The following ITPR2 variants were observed in gnomAD, a reference collection of about 807,000 sequenced individuals.
ITPR2 encodes the protein inositol 1,4,5-trisphosphate receptor type 2.
ITPR2 carries 207 observed loss-of-function variants against 317.1 expected under a neutral mutation model. The ratio of observed to expected loss-of-function variants is 0.65; its 90% confidence interval spans 0.58 to 0.73. ITPR2 has a LOEUF of 0.73. ITPR2 is among the 30% of genes least tolerant of loss of function. The probability of loss-of-function intolerance (pLI) is 0.00; values close to 1 mark genes in which losing one functional copy is unlikely to be tolerated. For missense variants in ITPR2, 2,613 were observed against 3,284.0 expected (o/e 0.80, Z 4.99); for synonymous variants, 1,156 against 1,149.1 (o/e 1.01, Z -0.12).
intron 37 of ITPR2, among the ~76,000 whole-genome samples, chr12:26,514,874 T>G (rs1202014376): frequency 6.6e-6 from 1 of 152,234 alleles, no homozygotes; most frequent in East Asian, 1.9e-4. Context: ...CTATGACTAA[T>G]TATCCAGGCA....
chr12:26,417,183 A>G (rs1441287150), intron 50 of ITPR2, among the ~76,000 whole-genome samples: 1 of 152,174 alleles, frequency 6.6e-6, no homozygotes, highest in Non-Finnish European at 1.5e-5. Flanking sequence ...CATGTATACC[A>G]CAATTTTCTT....
chr12:26,731,063 G>T (rs748731862), intron 2 of ITPR2, among the ~76,000 whole-genome samples: 2 of 152,098 alleles, frequency 1.3e-5, no homozygotes, highest in Non-Finnish European at 2.9e-5. Flanking sequence ...CTCTATTTAG[G>T]GCTATCATAT....
intron 45 of ITPR2, among the ~76,000 whole-genome samples, chr12:26,455,130 C>G (rs988444028): frequency 2.6e-5 from 4 of 151,710 alleles, no homozygotes; most frequent in African/African-American, 9.7e-5. Flanking sequence ...CTCAGGAATC[C>G]AATCTGAAGT....
At chr12:26,708,530 T>C (rs1357912486) in intron 9 of ITPR2, among the ~76,000 whole-genome samples, 1 of 152,178 alleles carries the variant, frequency 6.6e-6, no homozygotes, top group Admixed American at 6.5e-5. Flanking sequence ...CTCACTCATA[T>C]GTGGGAGCTA....
intron 55 of ITPR2, among the ~76,000 whole-genome samples, chr12:26,347,989 A>T (rs927786597): frequency 1.3e-5 from 2 of 152,250 alleles, no homozygotes; most frequent in African/African-American, 4.8e-5. Context: ...GGCTATGCTT[A>T]GAATGTGCTA....
intron 37 of ITPR2, among the ~76,000 whole-genome samples, chr12:26,503,190 A>ACACACACACACAC (rs10529227): frequency 7.2e-6 from 1 of 139,122 alleles, no homozygotes; most frequent in Admixed American, 7.3e-5. Context: ...GCCCCCCACC[A>ACACACACACACAC]ACACACACAC....
intron 54 of ITPR2, among the ~76,000 whole-genome samples, chr12:26,395,034 C>T (rs1431950835): frequency 3.3e-5 from 5 of 152,040 alleles, no homozygotes; most frequent in African/African-American, 1.2e-4. Flanking sequence ...GCCGGTTTGG[C>T]TGCCGGGAAG....
At chr12:26,682,858 C>G (rs551116970) in intron 11 of ITPR2, among the ~76,000 whole-genome samples, 185 bp from the exon 12 acceptor site, 59 of 152,284 alleles carry the variant, frequency 3.9e-4, no homozygotes, top group African/African-American at 1.4e-3. Flanking sequence ...AGCATTTTTA[C>G]CTAGGTAGTA....
At chr12:26,611,893 G>T (rs1041345672) in intron 26 of ITPR2, among the ~76,000 whole-genome samples, 1 of 152,212 alleles carries the variant, frequency 6.6e-6, no homozygotes. Flanking sequence ...TAATGCTACT[G>T]ATATTGTCAA....
chr12:26,472,192 C>T (rs1370157351), intron 45 of ITPR2, among the ~76,000 whole-genome samples: 3 of 152,186 alleles, frequency 2.0e-5, no homozygotes, highest in African/African-American at 4.8e-5. Flanking sequence ...AATAAGCGGA[C>T]AATTGCTTAA....
chr12:26,782,452 C>G (rs974580670), intron 2 of ITPR2, among the ~76,000 whole-genome samples: 1 of 150,730 alleles, frequency 6.6e-6, no homozygotes, highest in Non-Finnish European at 1.5e-5. Context: ...TCATTCTAAA[C>G]AAATAGTTAA....
chr12:26,811,054 A>C (rs1950734043), intron 1 of ITPR2, among the ~76,000 whole-genome samples: 1 of 149,036 alleles, frequency 6.7e-6, no homozygotes, highest in Non-Finnish European at 1.5e-5. Flanking sequence ...AAAAAAAAAA[A>C]AAAAAACAGA....
chr12:26,514,434 A>C (rs1382504708), intron 37 of ITPR2, among the ~76,000 whole-genome samples: 2 of 152,264 alleles, frequency 1.3e-5, no homozygotes, highest in African/African-American at 4.8e-5. Flanking sequence ...CTGCTGTATC[A>C]GATCAATTGA....
At chr12:26,512,693 G>A (rs149726621) in intron 37 of ITPR2, among the ~76,000 whole-genome samples, 35 of 152,256 alleles carry the variant, frequency 2.3e-4, no homozygotes, top group African/African-American at 5.1e-4. Flanking sequence ...GGCACATGTC[G>A]TCAGGATCTC....
chr12:26,500,159 T>G (rs1294003087), intron 37 of ITPR2, among the ~76,000 whole-genome samples: 3 of 152,244 alleles, frequency 2.0e-5, no homozygotes, highest in Non-Finnish European at 4.4e-5. Flanking sequence ...AATTTGCTTT[T>G]GGGGCATTCT....
At chr12:26,761,697 T>G (rs1409184567) in intron 2 of ITPR2, among the ~76,000 whole-genome samples, 2 of 152,224 alleles carry the variant, frequency 1.3e-5, no homozygotes, top group Admixed American at 1.3e-4. Context: ...CTCAGGAGAC[T>G]GAGGCAGGAG....
chr12:26,766,396 G>A (rs568017063), intron 2 of ITPR2, among the ~76,000 whole-genome samples: 15 of 151,382 alleles, frequency 9.9e-5, no homozygotes, highest in Non-Finnish European at 1.9e-4. Context: ...CTTTCCATGC[G>A]TTTACTAACC....
At chr12:26,544,262 C>A (rs1452144320) in intron 37 of ITPR2, among the ~76,000 whole-genome samples, 1 of 151,974 alleles carries the variant, frequency 6.6e-6, no homozygotes. Flanking sequence ...GTCTTAGGCA[C>A]AAACTAAGAA....
At chr12:26,591,079 C>CAAAAAAAAAAAAAAAAAAAAA (rs34387951) in intron 32 of ITPR2, among the ~76,000 whole-genome samples, 1 of 43,408 alleles carries the variant, frequency 2.3e-5, no homozygotes, top group Non-Finnish European at 4.0e-5. Context: ...GACTCCATCT[C>CAAAAAAAAAAAAAAAAAAAAA]AAAAAAAAAA....
Sources: allele counts gnomAD v4.1 joint callset (sites outside exome capture counted in the v4.1 genomes callset), GRCh38; gene constraint gnomAD v4.1.1; transcripts MANE v1.5; gene names NCBI Gene and HGNC (gene_info 2026-07-23, HGNC 2026-07-21).